The following CNTNAP4 variants were observed in gnomAD, a reference collection of about 807,000 sequenced individuals.
The protein encoded by CNTNAP4 is contactin-associated protein-like 4.
A neutral mutation model predicts 148.4 loss-of-function variants in CNTNAP4; 98 were observed. The observed-to-expected ratio is 0.66, with a 90% confidence interval of 0.56 to 0.78. The LOEUF (loss-of-function observed/expected upper bound fraction) is 0.78. Ranked by LOEUF, CNTNAP4 falls within the 30% of genes least tolerant of loss-of-function variation. The pLI is 0.00. For synonymous variants in CNTNAP4, 730 were observed against 565.1 expected (o/e 1.29, Z -4.14); for missense variants, 1,935 against 1,565.6 (o/e 1.24, Z -3.98).
chr16:76,278,306 G>C (rs1207409285), intron 1 of CNTNAP4, among the ~76,000 whole-genome samples: 1 of 152,280 alleles, frequency 6.6e-6, no homozygotes, highest in Admixed American at 6.5e-5. Flanking sequence ...CTGTGCCCTC[G>C]CTGCTAAGAG....
At chr16:76,307,598 A>G (rs1960632001) in intron 1 of CNTNAP4, among the ~76,000 whole-genome samples, 1 of 147,852 alleles carries the variant, frequency 6.8e-6, no homozygotes, top group South Asian at 2.1e-4. Flanking sequence ...CCTGATATCA[A>G]ATTAGGTGAC....
In CNTNAP4 at chr16:76,531,606, A is replaced by G. The variant is rs150767628; in HGVS notation, c.2756-3939A>G. Among the ~76,000 whole-genome samples the G allele has an allele frequency of 2.6e-3, 392 of 152,340 alleles. 1 individual carries two copies. Among genetic ancestry groups the G allele is most frequent in the Admixed American group, 5.5e-3 (84 of 15,296 alleles). ...CCAAACGTAATAGCTCAGTGGAAAC[A>G]TCCAGAATCAATTAACCAAACTGCA... On this transcript the variant is annotated intron_variant, in intron 17 of 23. Transcript: ENST00000611870.
intron 15 of CNTNAP4, among the ~76,000 whole-genome samples, chr16:76,510,026 A>C (rs995906163): frequency 5.1e-5 from 5 of 97,790 alleles, no homozygotes; most frequent in African/African-American, 1.3e-4. Context: ...AATCAATTTT[A>C]GTATATTTAA....
intron 3 of CNTNAP4, among the ~76,000 whole-genome samples, chr16:76,382,513 T>C (rs2016081994): frequency 6.6e-6 from 1 of 152,136 alleles, no homozygotes; most frequent in Admixed American, 6.6e-5. Flanking sequence ...ATTGATATTA[T>C]TGGAAATAAT....
chr16:76,442,263 A>G (rs7186058), intron 4 of CNTNAP4, among the ~76,000 whole-genome samples: 35,992 of 152,004 alleles, frequency 0.24, 5,761 homozygotes, highest in African/African-American at 0.45. Context: ...AGACAAAGAA[A>G]TGAATTATTT....
intron 1 of CNTNAP4, among the ~76,000 whole-genome samples, chr16:76,314,952 A>T (rs553866305): frequency 6.6e-6 from 1 of 152,182 alleles, no homozygotes; most frequent in Admixed American, 6.5e-5. Context: ...CCTAAACAAC[A>T]TACAGTATTA....
chr16:76,401,074 G>C (rs976601636), intron 3 of CNTNAP4, among the ~76,000 whole-genome samples: 1 of 152,126 alleles, frequency 6.6e-6, no homozygotes, highest in African/African-American at 2.4e-5. Context: ...CTTCTGTGAA[G>C]AATGTCATTG....
At chr16:76,548,952 G>C (rs1331270400) in intron 21 of CNTNAP4, among the ~76,000 whole-genome samples, 1 of 152,180 alleles carries the variant, frequency 6.6e-6, no homozygotes, top group African/African-American at 2.4e-5. Context: ...TGCTAATTTT[G>C]TTTGGACTCA....
At chr16:76,413,288 C>T (rs1324001632) in intron 3 of CNTNAP4, among the ~76,000 whole-genome samples, 1 of 151,398 alleles carries the variant, frequency 6.6e-6, no homozygotes, top group African/African-American at 2.4e-5. Flanking sequence ...AACCATCTGT[C>T]TACTCTCTAT....
chr16:76,479,684 TAAAAA>T, intron 12 of CNTNAP4, 146 bp downstream of exon 12: 1 of 781,938 alleles, frequency 1.3e-6, no homozygotes, highest in Non-Finnish European at 2.0e-6. Context: ...ACATAAATCT[TAAAAA>T]AATAATTAAA....
chr16:76,367,885 A>G (rs2014345621), intron 3 of CNTNAP4, among the ~76,000 whole-genome samples: 1 of 152,182 alleles, frequency 6.6e-6, no homozygotes, highest in African/African-American at 2.4e-5. Flanking sequence ...TCTCCAATGT[A>G]GCTGGTATCT....
chr16:76,364,810 A>G (rs550116410), intron 3 of CNTNAP4, among the ~76,000 whole-genome samples: 8 of 152,154 alleles, frequency 5.3e-5, no homozygotes, highest in South Asian at 4.2e-4. Context: ...AATATTTACA[A>G]CTATTCTGTA....
chr16:76,414,955 T>G (rs2078923950), intron 3 of CNTNAP4, among the ~76,000 whole-genome samples: 1 of 122,056 alleles, frequency 8.2e-6, no homozygotes, highest in Non-Finnish European at 1.8e-5. Flanking sequence ...AAAAACCAAC[T>G]TGTGTTTTTT....
At chr16:76,503,121 G>A (rs1430100555) in intron 15 of CNTNAP4, among the ~76,000 whole-genome samples, 2 of 152,092 alleles carry the variant, frequency 1.3e-5, no homozygotes, top group Non-Finnish European at 2.9e-5. Flanking sequence ...ATGGCATAAA[G>A]GACATCTGTG....
intron 23 of CNTNAP4, chr16:76,557,358 G>T (rs2085240799): frequency 6.6e-6 from 1 of 152,156 alleles, no homozygotes; most frequent in Non-Finnish European, 1.5e-5. Context: ...TAAAAATGGT[G>T]TTACATGAAG....
chr16:76,291,622 G>A (rs933544768), intron 1 of CNTNAP4, among the ~76,000 whole-genome samples: 1 of 152,048 alleles, frequency 6.6e-6, no homozygotes, highest in East Asian at 1.9e-4. Context: ...GTTTTATCTG[G>A]CACTTTCCCA....
chr16:76,388,760 G>A (rs757338482), intron 3 of CNTNAP4, among the ~76,000 whole-genome samples: 3 of 152,152 alleles, frequency 2.0e-5, no homozygotes, highest in Non-Finnish European at 4.4e-5. Context: ...TGATGGAAAT[G>A]TTATTTATTG....
At chr16:76,544,011 C>A (rs2084582942) in intron 21 of CNTNAP4, among the ~76,000 whole-genome samples, 1 of 152,172 alleles carries the variant, frequency 6.6e-6, no homozygotes, top group South Asian at 2.1e-4. Context: ...TACATCTGCC[C>A]TTACAGAGCT....
At chr16:76,511,532 A>T (rs192996090) in intron 15 of CNTNAP4, among the ~76,000 whole-genome samples, 1 of 152,318 alleles carries the variant, frequency 6.6e-6, no homozygotes, top group African/African-American at 2.4e-5. Context: ...ACCGTTAAAA[A>T]AAGTGAGGAT....
Sources: allele counts gnomAD v4.1 joint callset (sites outside exome capture counted in the v4.1 genomes callset), GRCh38; gene constraint gnomAD v4.1.1; transcripts MANE v1.5; gene names NCBI Gene and HGNC (gene_info 2026-07-23, HGNC 2026-07-21).